The following MYOM2 variants were observed in gnomAD, a reference collection of about 807,000 sequenced individuals.
MYOM2 encodes the protein myomesin 2.
Under a neutral mutation model 187.6 loss-of-function variants are expected in MYOM2, and 254 were observed. That is an observed-to-expected ratio of 1.35 (90% CI 1.22 to 1.50). The LOEUF is 1.50. Ranked by LOEUF, MYOM2 falls within the 40% of genes most tolerant of loss-of-function variation. The pLI is 0.00. For missense variants in MYOM2, 2,796 were observed against 1,924.0 expected (o/e 1.45, Z -8.48); for synonymous variants, 981 against 753.8 (o/e 1.30, Z -4.94).
intron 15 of MYOM2, 83 bp from the exon 16 acceptor site, chr8:2,092,263 C>A: frequency 6.7e-7 from 1 of 1,498,942 alleles, no homozygotes; most frequent in Non-Finnish European, 9.1e-7. Context: ...GTCCAGTTCC[C>A]TGTGAAAAGG....
In MYOM2 at chr8:2,142,536, C is replaced by T. The variant is rs143755903; in HGVS notation, c.4024+139C>T. On this transcript the variant is annotated intron_variant, in intron 35 of 36. Transcript: ENST00000262113. ...CCTGATGTAACAACGCCACCAACAC[C>T]ACACCCTGTCCTGGAGCCCCATGTC... 4.6e-3 allele frequency: 3,804 copies of T among 834,540 alleles called. 54 individuals carry two copies. Among genetic ancestry groups the T allele is most frequent in the East Asian group, 0.036 (1,468 of 41,072 alleles). The allele number at this position is 834,540 out of a possible 1,614,324, so 51.7% of individuals were successfully genotyped here.
At chr8:2,108,344 A>G (rs915494440) in intron 23 of MYOM2, among the ~76,000 whole-genome samples, 2 of 150,620 alleles carry the variant, frequency 1.3e-5, no homozygotes, top group Admixed American at 6.6e-5. Flanking sequence ...AGCGGTGTGT[A>G]TATCTTTCTT....
chr8:2,068,619 C>G (rs1488493087), intron 6 of MYOM2, among the ~76,000 whole-genome samples: 1 of 152,228 alleles, frequency 6.6e-6, no homozygotes, highest in Non-Finnish European at 1.5e-5. Context: ...ATCCTGGGCG[C>G]AGCTCTTCAA....
chr8:2,080,534 A>G (rs911765112), intron 13 of MYOM2, among the ~76,000 whole-genome samples: 5 of 152,222 alleles, frequency 3.3e-5, no homozygotes, highest in Non-Finnish European at 7.3e-5. Context: ...TTTAAGCCTT[A>G]GTCAAATCCT....
chr8:2,089,103 GGGTTGCT>G (rs1796197296), intron 14 of MYOM2, among the ~76,000 whole-genome samples: 6 of 58,610 alleles, frequency 1.0e-4, no homozygotes, highest in African/African-American at 2.7e-4. Context: ...CTAGAAGTCT[GGGTTGCT>G]ATCTGAATTT....
intron 14 of MYOM2, among the ~76,000 whole-genome samples, chr8:2,089,009 A>T (rs1796194322): frequency 6.6e-6 from 1 of 152,044 alleles, no homozygotes; most frequent in Non-Finnish European, 1.5e-5. Context: ...GGCTCCCACC[A>T]CAAACGCCCG....
chr8:2,049,737 A>T (rs1028674076), intron 1 of MYOM2, among the ~76,000 whole-genome samples: 1 of 152,240 alleles, frequency 6.6e-6, no homozygotes, highest in African/African-American at 2.4e-5. Flanking sequence ...AGATTTAGGA[A>T]TACGGTCCCT....
At chr8:2,046,751 CTTTTTT>C (rs574408692) in intron 1 of MYOM2, among the ~76,000 whole-genome samples, 2,785 of 139,524 alleles carry the variant, frequency 0.02, 39 homozygotes, top group Middle Eastern at 0.055. Flanking sequence ...TTTCTTTTTT[CTTTTTT>C]TTTTTTTTGG....
chr8:2,117,859 G>A, intron 27 of MYOM2, 26 bp from the exon 28 acceptor site: 1 of 1,582,514 alleles, frequency 6.3e-7, no homozygotes. Flanking sequence ...TTTTTTATAT[G>A]TTTTCTTCCC....
At chr8:2,119,655 AGC>A (rs1338469471) in intron 28 of MYOM2, among the ~76,000 whole-genome samples, 3 of 152,010 alleles carry the variant, frequency 2.0e-5, no homozygotes, top group Admixed American at 2.0e-4. Flanking sequence ...AGTGAGGGAG[AGC>A]GAGGGGAGTC....
chr8:2,046,813 TA>T (rs1818327163), intron 1 of MYOM2, among the ~76,000 whole-genome samples: 1 of 151,740 alleles, frequency 6.6e-6, no homozygotes, highest in Non-Finnish European at 1.5e-5. Context: ...GATAGTTCCT[TA>T]AAAAGGAAAA....
At chr8:2,083,320 C>G (rs1431165051) in intron 13 of MYOM2, among the ~76,000 whole-genome samples, 1 of 152,182 alleles carries the variant, frequency 6.6e-6, no homozygotes, top group Non-Finnish European at 1.5e-5. Flanking sequence ...GTGTGTTTAG[C>G]AGTGTCTCAC....
intron 25 of MYOM2, among the ~76,000 whole-genome samples, chr8:2,115,099 A>C (rs1797195031): frequency 2.0e-5 from 3 of 151,920 alleles, no homozygotes; most frequent in Admixed American, 2.0e-4. Context: ...ATTAATTTAT[A>C]ACTTTAATAA....
chr8:2,100,085 TTTCC>T (rs1168618592), intron 19 of MYOM2, among the ~76,000 whole-genome samples: 22,666 of 54,268 alleles, frequency 0.42, 5,395 homozygotes, highest in Admixed American at 0.47. Context: ...TCCTTTCTTC[TTTCC>T]TTCCTTCCTT....
chr8:2,083,616 T>C (rs947566473), intron 13 of MYOM2, among the ~76,000 whole-genome samples: 1 of 152,160 alleles, frequency 6.6e-6, no homozygotes, highest in South Asian at 2.1e-4. Flanking sequence ...GTGCTTAACG[T>C]TCATTTGTTT....
At chr8:2,064,017 C>T (rs1043276679) in intron 6 of MYOM2, among the ~76,000 whole-genome samples, 3 of 152,172 alleles carry the variant, frequency 2.0e-5, no homozygotes, top group South Asian at 2.1e-4. Flanking sequence ...TGTGGGGCCT[C>T]GGGAAGGGGA....
In MYOM2 at chr8:2,123,599, T is replaced by C. The variant is rs34025654; in HGVS notation, c.3612T>C (p.Asp1204=). 50,995 of 1,612,888 alleles carry C rather than the reference T, an allele frequency of 0.032. 936 individuals carry two copies. Among genetic ancestry groups the C allele is most frequent in the Non-Finnish European group, 0.036 (42,064 of 1,178,824 alleles). The change falls in exon 30 of 37, where the codon GAT becomes GAC. Residue 1204 remains aspartate, a synonymous_variant. Transcript: ENST00000262113. The part of the protein sequence containing the change: ...DHGEYKATLK[D]DRGQDVSILE... Reference sequence around the variant, plus strand: ...GTGAATACAAGGCAACCTTGAAAGATGACAGAGGCCAAGATGTGTCCATCC... The same window carrying C: ...GTGAATACAAGGCAACCTTGAAAGACGACAGAGGCCAAGATGTGTCCATCC...
chr8:2,073,817 C>G (rs746020787), intron 10 of MYOM2, among the ~76,000 whole-genome samples: 21 of 152,228 alleles, frequency 1.4e-4, no homozygotes, highest in Non-Finnish European at 2.5e-4. Context: ...TTTACTCATT[C>G]TCAGGGAACG....
chr8:2,140,983 T>G (rs1798255346), intron 33 of MYOM2, 97 bp downstream of exon 33: 10 of 1,367,376 alleles, frequency 7.3e-6, no homozygotes, highest in Non-Finnish European at 9.9e-6. Context: ...AGAGACAATA[T>G]GAATTTACAA....
Sources: allele counts gnomAD v4.1 joint callset (sites outside exome capture counted in the v4.1 genomes callset), GRCh38; gene constraint gnomAD v4.1.1; transcripts MANE v1.5; gene names NCBI Gene and HGNC (gene_info 2026-07-23, HGNC 2026-07-21).